The following METTL14 variants were observed in gnomAD, a reference collection of about 807,000 sequenced individuals.
The protein encoded by METTL14 is N(6)-adenosine-methyltransferase non-catalytic subunit METTL14.
Under a neutral mutation model 62.4 loss-of-function variants are expected in METTL14, and 32 were observed. The ratio of observed to expected loss-of-function variants is 0.51; its 90% CI spans 0.39 to 0.69. METTL14 has a LOEUF of 0.69. Ranked by LOEUF, METTL14 falls within the 30% of genes least tolerant of loss-of-function variation. The pLI, the probability that METTL14 is intolerant of heterozygous loss-of-function variation, is 0.00. For synonymous variants in METTL14, 150 were observed against 180.0 expected (o/e 0.83, Z 1.34); for missense variants, 340 against 551.9 (o/e 0.62, Z 3.85).
At chr4:118,692,629 C>T (rs372655358) in intron 5 of METTL14, among the ~76,000 whole-genome samples, 46 of 152,146 alleles carry the variant, frequency 3.0e-4, no homozygotes, top group African/African-American at 1.0e-3. Context: ...TTTTTGGCTC[C>T]AGTTTGGTAT....
In METTL14 at chr4:118,714,165, T is replaced by C. The variant is rs1157343524; in HGVS notation, c.*3863T>C. ...GCAGGCCAAGAACTTTTTAATGGGA[T>C]AATTGTCTTCTTTAGGCACATTGTT... On this transcript the variant is annotated 3_prime_UTR_variant, in exon 11 of 11. Coordinates refer to ENST00000388822, the MANE Select transcript of METTL14 (RefSeq NM_020961.4). 6.6e-6 allele frequency: 1 copy of C among 152,248 alleles called. No homozygotes were observed. 9.4% of individuals were successfully genotyped at this position (152,248 alleles called of 1,614,324 possible).
intron 8 of METTL14, 64 bp downstream of exon 8, chr4:118,700,706 G>A: frequency 1.6e-5 from 18 of 1,104,042 alleles, no homozygotes; most frequent in South Asian, 3.2e-5. Context: ...ACAGTATGTT[G>A]CATAGGATGT....
chr4:118,701,183 G>GTTTTTTTTTTTTTTTT (rs373953605), intron 8 of METTL14, among the ~76,000 whole-genome samples: 1 of 132,312 alleles, frequency 7.6e-6, no homozygotes, highest in Non-Finnish European at 1.7e-5. Context: ...GTTTTTTTTT[G>GTTTTTTTTTTTTTTTT]TTTTTTTTTG....
At chr4:118,705,908 C>G (rs1202783081) in intron 10 of METTL14, 87 bp downstream of exon 10, 4 of 1,054,458 alleles carry the variant, frequency 3.8e-6, no homozygotes, top group Non-Finnish European at 5.7e-6. Flanking sequence ...AAATAAAGTT[C>G]TTATGCATTT....
intron 7 of METTL14, among the ~76,000 whole-genome samples, chr4:118,700,018 G>A (rs1724539679): frequency 6.6e-6 from 1 of 151,756 alleles, no homozygotes; most frequent in African/African-American, 2.4e-5. Flanking sequence ...TAGAATTAGT[G>A]TCAAAAGAGA....
In METTL14 at chr4:118,703,961, A is replaced by G. The variant is rs767746994; in HGVS notation, c.765A>G (p.Arg255=). 1.1e-5 allele frequency: 18 copies of G among 1,577,242 alleles called. No homozygotes were observed. The highest frequency in any genetic ancestry group is 2.0e-5 in the Admixed American group (1 of 49,482). ...RVCLRKWGYR[R]CEDICWIKTN... ...GTTTACGAAAATGGGGTTACAGAAG[A>G]TGTGAAGATATTTGTTGGATTAAAA... is the stretch of plus-strand genomic sequence containing the variant. The change falls in exon 9 of 11, where the codon AGA becomes AGG. Residue 255 remains arginine (R), a synonymous_variant. Coordinates refer to ENST00000388822, the MANE Select transcript of METTL14 (RefSeq NM_020961.4).
At chr4:118,700,850 A>G (rs1724568280) in intron 8 of METTL14, among the ~76,000 whole-genome samples, 1 of 152,236 alleles carries the variant, frequency 6.6e-6, no homozygotes, top group Non-Finnish European at 1.5e-5. Flanking sequence ...AGGAATGTGT[A>G]GCTCTTTCAA....
chr4:118,697,343 AT>A lies in METTL14; in HGVS notation c.645+22del. 1.3e-6 allele frequency: 2 copies of A among 1,561,326 alleles called. No homozygotes were observed. The highest frequency in any genetic ancestry group is 1.7e-6 in the Non-Finnish European group (2 of 1,156,204). On this transcript the variant is annotated intron_variant, in intron 7 of 10. Coordinates refer to ENST00000388822, the MANE Select transcript of METTL14 (RefSeq NM_020961.4). The stretch of plus-strand genomic sequence containing the variant: ...GATGATGTATGATCAAACTTTCTAC[AT>A]TGTAATGAATTATTTATTTTCAAAT...
At chr4:118,702,938 T>TTA (rs1724642083) in intron 8 of METTL14, among the ~76,000 whole-genome samples, 2 of 135,160 alleles carry the variant, frequency 1.5e-5, no homozygotes, top group African/African-American at 2.7e-5. Context: ...GTTGGAAGGT[T>TTA]TTATTATTAT....
rs1724936750 is a variant in METTL14 at position 118,712,009 on chromosome 4, C to A, written c.*1707C>A. 6.6e-6 allele frequency: 1 copy of A among 152,102 alleles called. No homozygotes were observed. Among genetic ancestry groups the A allele is most frequent in the Non-Finnish European group, 1.5e-5 (1 of 68,028 alleles). The allele number at this position is 152,102 out of a possible 1,614,324, so 9.4% of individuals were successfully genotyped here. A position where few individuals can be genotyped will look rare whatever the true frequency, so the allele number is the denominator to read the frequency against. On this transcript the variant is annotated 3_prime_UTR_variant, in exon 11 of 11. Coordinates refer to ENST00000388822, the MANE Select transcript of METTL14 (RefSeq NM_020961.4). ...TCATCTTAGAAAGAGGTAGGTATGG[C>A]TGCTTTGTCGGTTGAAAGTTAAGGG...
Position 118,710,244 on chromosome 4 carries a change from G to A in METTL14, c.1313G>A (p.Arg438Lys), listed in dbSNP as rs1560886428. The part of the protein sequence containing the change: ...ERNRSNFRGE[R>K]GGFRGGRGGA... The stretch of plus-strand genomic sequence containing the variant: ...AATAGATCTAACTTCCGAGGAGAAA[G>A]AGGTGGCTTTAGAGGGGGCCGTGGA... Residue 438 changes from arginine (R) to lysine (K), a missense_variant, in exon 11 of 11, where the codon AGA becomes AAA. Arg to Lys is a conservative substitution (Grantham distance 26, BLOSUM62 2). This residue lies in a region of METTL14 where 44 missense variants were observed against 56.4 expected (regional missense o/e 0.78). Transcript: ENST00000388822. The A allele has an allele frequency of 2.5e-6, 4 of 1,614,216 alleles. No homozygotes were observed. Among genetic ancestry groups the A allele is most frequent in the Non-Finnish European group, 3.4e-6 (4 of 1,180,040 alleles).
At chr4:118,692,711 G>GT (rs1318454104) in intron 5 of METTL14, among the ~76,000 whole-genome samples, 25 of 151,170 alleles carry the variant, frequency 1.7e-4, no homozygotes, top group South Asian at 6.3e-4. Flanking sequence ...ACTCAAAAGA[G>GT]TTTTTTTTTA....
At chr4:118,700,138 C>T (rs12648778) in intron 7 of METTL14, among the ~76,000 whole-genome samples, 43,612 of 151,766 alleles carry the variant, frequency 0.29, 7,175 homozygotes, top group Non-Finnish European at 0.37. Context: ...ACAGTCCTCC[C>T]GAAACATTTA....
chr4:118,690,033 T>C (rs1434275241), intron 3 of METTL14, among the ~76,000 whole-genome samples: 5 of 127,094 alleles, frequency 3.9e-5, no homozygotes, highest in African/African-American at 1.1e-4. Context: ...GGTAATAATA[T>C]TCTTTTTTTT....
intron 7 of METTL14, 49 bp downstream of exon 7, chr4:118,697,372 A>G (rs928290694): frequency 1.4e-6 from 2 of 1,471,896 alleles, no homozygotes; most frequent in Non-Finnish European, 1.8e-6. Flanking sequence ...TTTCAAATGA[A>G]TATGTTTATT....
Position 118,691,586 on chromosome 4 carries a change from T to C in METTL14, c.298T>C (p.Tyr100His). Residue 100 changes from tyrosine (Y) to histidine (H), a missense_variant, in exon 4 of 11, where the codon TAC (tyrosine) becomes CAC (histidine). Coordinates refer to ENST00000388822, the MANE Select transcript of METTL14 (RefSeq NM_020961.4). ...AAATTTGCCATATGAAGAAGAGATT[T>C]ACAAAGATTCTAGTACTTTTCTTAA... ...EENLPYEEEIYKDSSTFLKGT... is the reference protein window; with the variant it reads ...EENLPYEEEIHKDSSTFLKGT... 1 of 1,548,274 alleles carries C rather than the reference T, an allele frequency of 6.5e-7. No homozygotes were observed. The highest frequency in any genetic ancestry group is 1.2e-5 in the South Asian group (1 of 81,904).
At chr4:118,692,994 G>A (rs1373735730) in intron 5 of METTL14, among the ~76,000 whole-genome samples, 2 of 152,156 alleles carry the variant, frequency 1.3e-5, no homozygotes, top group South Asian at 2.1e-4. Context: ...GTTGAAGCAT[G>A]TGCCTGTACT....
chr4:118,697,387 C>G, intron 7 of METTL14, 64 bp downstream of exon 7: 3 of 1,345,602 alleles, frequency 2.2e-6, no homozygotes, highest in Non-Finnish European at 3.0e-6. Context: ...TTTATTTGGT[C>G]AGAAAGTGAG....
chr4:118,704,090 A>T, intron 9 of METTL14, 39 bp downstream of exon 9: 1 of 1,252,524 alleles, frequency 8.0e-7, no homozygotes, highest in Non-Finnish European at 1.1e-6. Context: ...AATTTTTGTG[A>T]TTTTCTCTCA....
Sources: allele counts gnomAD v4.1 joint callset (sites outside exome capture counted in the v4.1 genomes callset), GRCh38; gene constraint gnomAD v4.1.1; regional missense constraint gnomAD v4.1.1; transcripts MANE v1.5; gene names NCBI Gene and HGNC (gene_info 2026-07-23, HGNC 2026-07-21).